Variants in STKLD1 observed in about 807,000 individuals in gnomAD.
STKLD1 encodes the protein serine/threonine kinase like domain containing 1.
In STKLD1, 79 loss-of-function variants were observed where a neutral mutation model predicts 80.4. That is an observed-to-expected ratio of 0.98 (90% CI 0.82 to 1.19). STKLD1 has a LOEUF of 1.19. Among genes scored for constraint, STKLD1 ranks in the 50% most tolerant of loss-of-function variants. STKLD1 has a pLI of 0.00. For missense variants in STKLD1, 841 were observed against 856.0 expected (o/e 0.98, Z 0.22); for synonymous variants, 393 against 357.6 (o/e 1.10, Z -1.12).
rs2130252644 is a variant in STKLD1 at position 133,377,075 on chromosome 9, C to T, written c.87+515C>T. 6.2e-4 allele frequency among the ~76,000 whole-genome samples: 94 copies of T among 152,306 alleles called. 1 individual carries two copies. The highest frequency in any genetic ancestry group is 2.2e-3 in the African/African-American group (90 of 41,566). Reference sequence around the variant, plus strand: ...TTAGATTCAGCATTTGTGAAAAATGCATTCGCTTGGAAACAGTTTGCGGGT... The same window carrying T: ...TTAGATTCAGCATTTGTGAAAAATGTATTCGCTTGGAAACAGTTTGCGGGT... On this transcript the variant is annotated intron_variant, in intron 1 of 17. Transcript: ENST00000371957.
chr9:133,394,622 G>A lies in STKLD1; in HGVS notation c.702+213G>A, dbSNP rs1167502197. Among the ~76,000 whole-genome samples, 1 of 152,198 alleles carries A rather than the reference G, an allele frequency of 6.6e-6. No individual in the cohort carries two copies. Among genetic ancestry groups the A allele is most frequent in the Non-Finnish European group, 1.5e-5 (1 of 68,046 alleles). Reference sequence around the variant, plus strand: ...GCTGGGCTCTAGCAGGATAATGACAGCAGTGGTAATATTCAGACCATCCCA... The same window carrying A: ...GCTGGGCTCTAGCAGGATAATGACAACAGTGGTAATATTCAGACCATCCCA... On this transcript the variant is annotated intron_variant, in intron 8 of 17. Coordinates refer to ENST00000371957, the MANE Select transcript of STKLD1 (RefSeq NM_153710.5). This position sits in a 1 kb window ranked among gnomAD's most constrained non-coding sequence, Gnocchi z 4.9.
intron 11 of STKLD1, among the ~76,000 whole-genome samples, chr9:133,398,834 T>G (rs1838624758): frequency 1.6e-5 from 1 of 64,088 alleles, no homozygotes; most frequent in South Asian, 7.3e-4. Flanking sequence ...GGAAAAGCAG[T>G]TTTTTTTTGT....
At position 133,393,589 on chromosome 9, in the gene STKLD1, GTGGGTGAGTGAGTGAA is replaced by G. The variant is rs1376901281; in HGVS notation, c.584-683_584-668del. Among the ~76,000 whole-genome samples the G allele has an allele frequency of 1.4e-4, 20 of 146,198 alleles. No homozygotes were observed. In the South Asian group the frequency reaches 1.7e-3, roughly 13 times the overall value. ...GATGGGTGGGTATGTGGATGGATGGGTGGGTGAGTGAGTGAATGGGTGAGTGAGTGAATGAGTGTGT... is the reference window on the plus strand; with the variant it reads ...GATGGGTGGGTATGTGGATGGATGGGTGGGTGAGTGAGTGAATGAGTGTGT... On this transcript the variant is annotated intron_variant, in intron 7 of 17. Coordinates refer to ENST00000371957, the MANE Select transcript of STKLD1 (RefSeq NM_153710.5).
At chr9:133,391,297 CT>C (rs1285465496) in intron 7 of STKLD1, among the ~76,000 whole-genome samples, 3,437 of 145,650 alleles carry the variant, frequency 0.024, 210 homozygotes, top group African/African-American at 0.086. Flanking sequence ...AGGGGCGCCT[CT>C]GCCCGGCCGC....
intron 14 of STKLD1, among the ~76,000 whole-genome samples, chr9:133,403,299 T>C (rs1838757366): frequency 6.6e-6 from 1 of 152,204 alleles, no homozygotes; most frequent in South Asian, 2.1e-4. Context: ...CAGGGAAATG[T>C]CCTGGGATTT....
At chr9:133,403,547 A>G (rs1838763097) in intron 14 of STKLD1, among the ~76,000 whole-genome samples, 153 bp from the exon 15 acceptor site, 1 of 152,180 alleles carries the variant, frequency 6.6e-6, no homozygotes, top group African/African-American at 2.4e-5. Flanking sequence ...TCCTGGGCTA[A>G]CCCCTGCACC....
At chr9:133,398,415 G>A (rs1554777037) in intron 11 of STKLD1, among the ~76,000 whole-genome samples, 1 of 152,190 alleles carries the variant, frequency 6.6e-6, no homozygotes, top group African/African-American at 2.4e-5. Context: ...ACTTGTTTCC[G>A]TAGCACAGAT....
intron 2 of STKLD1, among the ~76,000 whole-genome samples, chr9:133,383,388 AATG>A (rs1838194275): frequency 5.4e-5 from 1 of 18,624 alleles, no homozygotes; most frequent in African/African-American, 2.1e-4. Flanking sequence ...TAATGATGGT[AATG>A]ATGGTGATGA....
intron 4 of STKLD1, among the ~76,000 whole-genome samples, chr9:133,387,005 G>C (rs1838279939): frequency 6.6e-6 from 1 of 152,230 alleles, no homozygotes; most frequent in South Asian, 2.1e-4. Context: ...GAGAAGCCAA[G>C]AGGACATTTC....
intron 10 of STKLD1, 46 bp from the exon 11 acceptor site, chr9:133,397,926 C>T: frequency 1.3e-6 from 2 of 1,533,692 alleles, no homozygotes; most frequent in South Asian, 1.1e-5. Context: ...AGCCCCGAGG[C>T]CCTGGTCCTC....
intron 11 of STKLD1, among the ~76,000 whole-genome samples, chr9:133,398,851 TTG>T (rs1838626270): frequency 6.6e-6 from 1 of 152,014 alleles, no homozygotes; most frequent in Non-Finnish European, 1.5e-5. Context: ...TTGTTTTTGT[TTG>T]TTTGTTTGTT....
In STKLD1 at chr9:133,390,855, G is replaced by A. The variant is rs1370066508; in HGVS notation, c.583+59G>A. ...GGTTGGCGCCTAGAATCCAGGCGGC[G>A]TTGGCCACTCTGGGTGCTGGAGTGA... On this transcript the variant is annotated intron_variant, in intron 7 of 17. Transcript: ENST00000371957. The surrounding 1 kb of genome is among the most constrained non-coding windows in gnomAD (Gnocchi z 5.1). 22 of 1,357,336 alleles carry A rather than the reference G, an allele frequency of 1.6e-5. No individual in the cohort carries two copies. The highest frequency in any genetic ancestry group is 7.0e-5 in the South Asian group (6 of 85,618). The allele number at this position is 1,357,336 out of a possible 1,614,324, so 84.1% of individuals were successfully genotyped here.
At chr9:133,399,149 C>T (rs1027369566) in intron 11 of STKLD1, among the ~76,000 whole-genome samples, 3 of 152,332 alleles carry the variant, frequency 2.0e-5, no homozygotes, top group South Asian at 2.1e-4. Flanking sequence ...ACACCGTGCT[C>T]GGCCAATTTT....
At chr9:133,404,768 C>A in intron 16 of STKLD1, 21 bp from the exon 17 acceptor site, 1 of 1,609,664 alleles carries the variant, frequency 6.2e-7, no homozygotes, top group Non-Finnish European at 8.5e-7. Flanking sequence ...GGGAATGAAC[C>A]CACTCCCACC....
intron 8 of STKLD1, 31 bp from the exon 9 acceptor site, chr9:133,395,569 G>C (rs41306714): frequency 0.38 from 609,916 of 1,603,946 alleles, 122,063 homozygotes; most frequent in South Asian, 0.46. Flanking sequence ...TTACTTAAGG[G>C]AATACACAGA....
Position 133,385,925 on chromosome 9 carries a change from T to G in STKLD1, c.294+234T>G, listed in dbSNP as rs1588740522. Among the ~76,000 whole-genome samples, 7 of 151,852 alleles carry G rather than the reference T, an allele frequency of 4.6e-5. No homozygotes were observed. The South Asian group carries it at 1.5e-3, about 32-fold the overall frequency. On this transcript the variant is annotated intron_variant, in intron 4 of 17. Transcript: ENST00000371957. The surrounding 1 kb of genome is among the most constrained non-coding windows in gnomAD (Gnocchi z 4.9). Reference sequence around the variant, plus strand: ...CAAAAACCTCATCGTCAGGAGAGTTTTTTTTTTTTTTGGACAAAGTCTCGC... The same window carrying G: ...CAAAAACCTCATCGTCAGGAGAGTTGTTTTTTTTTTTGGACAAAGTCTCGC...
At chr9:133,398,137 G>A in intron 11 of STKLD1, 82 bp downstream of exon 11, 2 of 1,382,312 alleles carry the variant, frequency 1.4e-6, no homozygotes, top group Non-Finnish European at 1.0e-6. Context: ...GCTGAGGCTG[G>A]CCCTCACCCC....
chr9:133,404,419 C>T (rs904555242), intron 16 of STKLD1, among the ~76,000 whole-genome samples: 11 of 152,198 alleles, frequency 7.2e-5, no homozygotes, highest in East Asian at 3.8e-4. Context: ...CTGGGCCCAG[C>T]GCTGAGCACA....
chr9:133,389,214 C>A lies in STKLD1; in HGVS notation c.397-312C>A, dbSNP rs1838328738. On this transcript the variant is annotated intron_variant, in intron 5 of 17. Coordinates refer to ENST00000371957, the MANE Select transcript of STKLD1 (RefSeq NM_153710.5). The surrounding 1 kb of genome is among the most constrained non-coding windows in gnomAD (Gnocchi z 6.4). ...AGGCCGATCTGCCTTCAGCTCCCAGCAAGTGTGGGGCAGCGCGGGCCACAG... is the reference window on the plus strand; with the variant it reads ...AGGCCGATCTGCCTTCAGCTCCCAGAAAGTGTGGGGCAGCGCGGGCCACAG... 1 of 985,276 alleles carries A rather than the reference C, an allele frequency of 1.0e-6. No individual in the cohort carries two copies. The highest frequency in any genetic ancestry group is 1.2e-6 in the Non-Finnish European group (1 of 829,922). 61.0% of individuals were successfully genotyped at this position (985,276 alleles called of 1,614,324 possible).
Sources: gnomAD v4.1 joint callset for allele counts (sites outside exome capture counted in the v4.1 genomes callset) on GRCh38, gnomAD v4.1.1 for gene constraint, Gnocchi (gnomAD v3.1) non-coding constraint, MANE v1.5 for transcripts, NCBI Gene and HGNC (gene_info 2026-07-23, HGNC 2026-07-21) for gene names.